Variants in ENOX1 observed in about 807,000 individuals in gnomAD.
ENOX1 encodes the protein candidate growth-related and time keeping constitutive hydroquinone (NADH) oxidase.
ENOX1 carries 42 observed loss-of-function variants against 82.5 expected under a neutral mutation model. The observed-to-expected ratio is 0.51, with a 90% CI of 0.40 to 0.66. ENOX1 has a LOEUF of 0.66. ENOX1 is among the 30% of genes least tolerant of loss of function. The probability of loss-of-function intolerance (pLI) is 0.00; values close to 1 mark genes in which losing one functional copy is unlikely to be tolerated. For missense variants in ENOX1, 608 were observed against 811.6 expected, an observed-to-expected ratio of 0.75 and a Z score of 3.05; for synonymous variants, 271 against 282.2, an observed-to-expected ratio of 0.96 and a Z score of 0.40.
At chr13:43,309,306 G>A (rs1039689171) in intron 11 of ENOX1, among the ~76,000 whole-genome samples, 4 of 152,104 alleles carry the variant, frequency 2.6e-5, no homozygotes, top group Admixed American at 2.0e-4. Flanking sequence ...ACAGGTGTGA[G>A]TCACTGTACC....
intron 5 of ENOX1, among the ~76,000 whole-genome samples, chr13:43,392,603 G>T (rs1422240300): frequency 6.6e-6 from 1 of 152,220 alleles, no homozygotes; most frequent in Admixed American, 6.5e-5. Flanking sequence ...GCTGAGGCAG[G>T]AGAATCATTT....
chr13:43,753,253 T>C (rs1266190463), intron 1 of ENOX1, among the ~76,000 whole-genome samples: 1 of 152,096 alleles, frequency 6.6e-6, no homozygotes, highest in Non-Finnish European at 1.5e-5. Flanking sequence ...ATAGATCAAT[T>C]TGGGAAAAAA....
chr13:43,357,228 C>G (rs1275406390), intron 7 of ENOX1, among the ~76,000 whole-genome samples: 1 of 152,146 alleles, frequency 6.6e-6, no homozygotes, highest in African/African-American at 2.4e-5. Flanking sequence ...TGAGATACAA[C>G]TGTAAAATGC....
chr13:43,674,270 T>C (rs935606433), intron 1 of ENOX1, among the ~76,000 whole-genome samples: 2 of 152,086 alleles, frequency 1.3e-5, no homozygotes, highest in Non-Finnish European at 2.9e-5. Context: ...AGAGCTAAAG[T>C]TCTAATGGGA....
chr13:43,441,937 T>C (rs2056381833), intron 3 of ENOX1, among the ~76,000 whole-genome samples: 1 of 152,134 alleles, frequency 6.6e-6, no homozygotes, highest in Non-Finnish European at 1.5e-5. Flanking sequence ...AAGATCAGTT[T>C]TACTACTTAA....
intron 2 of ENOX1, among the ~76,000 whole-genome samples, chr13:43,612,107 G>A (rs2082224665): frequency 6.6e-6 from 1 of 152,142 alleles, no homozygotes; most frequent in Admixed American, 6.5e-5. Context: ...GAGTTGATGA[G>A]GGGTGACTAT....
intron 2 of ENOX1, among the ~76,000 whole-genome samples, chr13:43,532,988 C>T (rs189198892): frequency 1.1e-4 from 16 of 151,910 alleles, no homozygotes; most frequent in African/African-American, 2.7e-4. Context: ...ATAATTTTTA[C>T]GAGTATTAAG....
At chr13:43,337,075 G>A (rs567979023) in intron 9 of ENOX1, among the ~76,000 whole-genome samples, 9 of 152,226 alleles carry the variant, frequency 5.9e-5, no homozygotes, top group African/African-American at 1.7e-4. Context: ...AGTATATGCC[G>A]TATGCTCCAC....
At chr13:43,271,767 AT>A (rs2044698808) in intron 12 of ENOX1, among the ~76,000 whole-genome samples, 1 of 151,934 alleles carries the variant, frequency 6.6e-6, no homozygotes, top group African/African-American at 2.4e-5. Context: ...CCATTCTTGG[AT>A]TCACACTTTT....
chr13:43,304,759 C>T (rs556963132), intron 11 of ENOX1, among the ~76,000 whole-genome samples: 7 of 152,296 alleles, frequency 4.6e-5, no homozygotes, highest in African/African-American at 1.4e-4. Flanking sequence ...TCCTCTCAAA[C>T]GGCCACACTG....
chr13:43,316,060 C>T (rs1458242610), intron 11 of ENOX1, among the ~76,000 whole-genome samples: 1 of 152,108 alleles, frequency 6.6e-6, no homozygotes, highest in African/African-American at 2.4e-5. Flanking sequence ...ATTGGTTGCT[C>T]ATGTCCTCAT....
rs547602407 is a variant in ENOX1, at chr13:43,652,927, G to T, written c.-219+14552C>A. The stretch of plus-strand genomic sequence containing the variant: ...GAGATGCATGGCAGAACCCTAAACA[G>T]ATTGTAAAGGGGAGGAGAAAAGGTC... On this transcript the variant is annotated intron_variant, in intron 2 of 16. Coordinates refer to ENST00000690772, the MANE Select transcript of ENOX1 (RefSeq NM_001347969.2). Among the ~76,000 whole-genome samples the T allele has an allele frequency of 1.2e-4, 19 of 152,324 alleles. No homozygotes were observed. In the South Asian group the frequency reaches 3.9e-3, roughly 32 times the overall value.
In ENOX1 at chr13:43,344,601, C is replaced by G; in HGVS notation, c.973G>C (p.Glu325Gln). ...TCCTTGGCTTCCTCCATCTCTTGCT[C>G]ATGGGTGGCTTTTTCATTCATTAGC... is the stretch of plus-strand genomic sequence containing the variant. ...RRLMNEKATH[E>Q]QEMEEAKENF... Residue 325 changes from glutamate to glutamine, a missense_variant, in exon 9 of 17, where the codon GAG (glutamate) becomes CAG (glutamine). Transcript: ENST00000690772. The G allele has an allele frequency of 6.2e-7, 1 of 1,614,172 alleles. No individual in the cohort carries two copies. Among genetic ancestry groups the G allele is most frequent in the Non-Finnish European group, 8.5e-7 (1 of 1,180,030 alleles).
At chr13:43,754,051 T>TATATACATATATACGTATATACAC (rs71099849) in intron 1 of ENOX1, among the ~76,000 whole-genome samples, 14 of 117,752 alleles carry the variant, frequency 1.2e-4, no homozygotes, top group Admixed American at 6.6e-4. Flanking sequence ...TAAATACACA[T>TATATACATATATACGTATATACAC]ATATATACAT....
At chr13:43,392,638 T>C (rs976496303) in intron 5 of ENOX1, among the ~76,000 whole-genome samples, 1 of 152,182 alleles carries the variant, frequency 6.6e-6, no homozygotes, top group Non-Finnish European at 1.5e-5. Flanking sequence ...GAGGTTGCAG[T>C]GAGCCAAGAT....
At chr13:43,223,961 G>A in intron 16 of ENOX1, 92 bp downstream of exon 16, 1 of 933,942 alleles carries the variant, frequency 1.1e-6, no homozygotes, top group Non-Finnish European at 1.7e-6. Flanking sequence ...GGCTGCTACA[G>A]CCCTAGTTCA....
intron 5 of ENOX1, among the ~76,000 whole-genome samples, chr13:43,406,715 A>G (rs1052897776): frequency 1.3e-5 from 2 of 151,822 alleles, no homozygotes; most frequent in Non-Finnish European, 2.9e-5. Flanking sequence ...GGATAGTCTC[A>G]ATCTCCTGAC....
At chr13:43,216,410 A>G (rs1408364047) in intron 16 of ENOX1, among the ~76,000 whole-genome samples, 2 of 152,166 alleles carry the variant, frequency 1.3e-5, no homozygotes, top group East Asian at 3.8e-4. Flanking sequence ...AGACATGTAT[A>G]TGTGTGTGTG....
chr13:43,409,077 G>A (rs2053969045), intron 5 of ENOX1, among the ~76,000 whole-genome samples: 1 of 148,606 alleles, frequency 6.7e-6, no homozygotes, highest in South Asian at 2.1e-4. Flanking sequence ...AACCCTATTT[G>A]ATAAATGGAT....
Sources: allele counts gnomAD v4.1 joint callset (sites outside exome capture counted in the v4.1 genomes callset), GRCh38; gene constraint gnomAD v4.1.1; transcripts MANE v1.5; gene names NCBI Gene and HGNC (gene_info 2026-07-23, HGNC 2026-07-21).